Variants in NRBP1 observed in about 807,000 individuals in gnomAD.
The protein encoded by NRBP1 is nuclear receptor binding protein 1.
NRBP1 carries 10 observed loss-of-function variants against 76.0 expected under a neutral mutation model. The observed-to-expected ratio is 0.13, with a 90% CI of 0.08 to 0.22. The LOEUF (loss-of-function observed/expected upper bound fraction) is 0.22, where lower values mean the gene tolerates loss of function less well. Ranked by LOEUF, NRBP1 falls within the 10% of genes least tolerant of loss-of-function variation. NRBP1 has a pLI of 1.00. For synonymous variants in NRBP1, 235 were observed against 240.2 expected, an observed-to-expected ratio of 0.98 and a Z score of 0.20; for missense variants, 344 against 646.0, an observed-to-expected ratio of 0.53 and a Z score of 5.07.
chr2:27,437,434 C>G, intron 10 of NRBP1, 74 bp downstream of exon 10: 18 of 1,067,292 alleles, frequency 1.7e-5, no homozygotes, highest in Non-Finnish European at 2.3e-5. Flanking sequence ...TTTGTACCCA[C>G]TGGGTATATG....
In NRBP1 at chr2:27,439,891, A is replaced by C. The variant is rs1199464998; in HGVS notation, c.1029A>C (p.Gly343=). The change falls in exon 11 of 18, where the codon GGA becomes GGC. Residue 343 remains glycine (G), a synonymous_variant. Transcript: ENST00000379852. The part of the protein sequence containing the change: ...LKLLAAHCIV[G]HQHMIPENAL... ...TCCTTGCGGCCCACTGCATTGTGGG[A>C]CACCAACGTGAGTCGTCTTGGCCCT... 1 of 1,609,748 alleles carries C rather than the reference A, an allele frequency of 6.2e-7. No individual in the cohort carries two copies. The highest frequency in any genetic ancestry group is 1.7e-5 in the Admixed American group (1 of 59,802).
At position 27,441,904 on chromosome 2, in the gene NRBP1, G is replaced by A. The variant is rs968695550; in HGVS notation, c.*92G>A. 8.0e-6 allele frequency: 6 copies of A among 750,340 alleles called. No homozygotes were observed. The highest frequency in any genetic ancestry group is 1.7e-5 in the South Asian group (1 of 58,086). 46.5% of individuals were successfully genotyped at this position (750,340 alleles called of 1,614,324 possible). A position where few individuals can be genotyped will look rare whatever the true frequency, so the allele number is the denominator to read the frequency against. Reference sequence around the variant, plus strand: ...CCTTCCCCCCAGTCAGTATTACCCTGTGAAGCCCCTTCCCTCCTTTATTAT... The same window carrying A: ...CCTTCCCCCCAGTCAGTATTACCCTATGAAGCCCCTTCCCTCCTTTATTAT... On this transcript the variant is annotated 3_prime_UTR_variant, in exon 18 of 18. Coordinates refer to ENST00000379852, the MANE Select transcript of NRBP1 (RefSeq NM_013392.4).
chr2:27,431,232 G>A (rs1013788281), intron 1 of NRBP1, among the ~76,000 whole-genome samples: 15 of 152,158 alleles, frequency 9.9e-5, no homozygotes, highest in Admixed American at 3.3e-4. Context: ...CCTGGGAGGC[G>A]GAGGTTGCAG....
chr2:27,441,069 C>G (rs1344660846), intron 14 of NRBP1, 58 bp from the exon 15 acceptor site: 2 of 1,610,084 alleles, frequency 1.2e-6, no homozygotes, highest in Non-Finnish European at 8.5e-7. Context: ...CGAAAGACGT[C>G]TAGGTATTGG....
intron 7 of NRBP1, chr2:27,435,449 A>G: frequency 1.7e-6 from 1 of 604,308 alleles, no homozygotes; most frequent in Non-Finnish European, 2.9e-6. Context: ...ATTGGGGTTA[A>G]TACAGAGATA....
intron 10 of NRBP1, among the ~76,000 whole-genome samples, chr2:27,438,744 G>T (rs547249246): frequency 6.6e-6 from 1 of 152,278 alleles, no homozygotes; most frequent in Admixed American, 6.5e-5. Context: ...AGGATCACTT[G>T]AGCTCAGGAG....
Position 27,435,156 on chromosome 2 carries a change from C to A in NRBP1, c.590C>A (p.Pro197His), listed in dbSNP as rs983579251. 6 of 1,613,968 alleles carry A rather than the reference C, an allele frequency of 3.7e-6. No individual in the cohort carries two copies. The African/African-American group carries it at 5.3e-5, about 14-fold the overall frequency. The stretch of plus-strand genomic sequence containing the variant: ...AGCTACCTGCACTCCTGTGACCCCC[C>A]CATCATCCATGGGAACCTGACCTGT... Reference protein sequence around the residue: ...ALSYLHSCDPPIIHGNLTCDT... With the variant: ...ALSYLHSCDPHIIHGNLTCDT... Residue 197 changes from proline (P) to histidine (H), a missense_variant, in exon 7 of 18, where the codon CCC (proline) becomes CAC (histidine). By Grantham distance (77) the Pro-to-His change is moderately conservative. This residue lies in a region of NRBP1 where 73 missense variants were observed against 287.8 expected (regional missense o/e 0.25). Coordinates refer to ENST00000379852, the MANE Select transcript of NRBP1 (RefSeq NM_013392.4).
At chr2:27,433,940 A>G (rs372693410) in intron 3 of NRBP1, 49 bp from the exon 4 acceptor site, 4 of 1,551,342 alleles carry the variant, frequency 2.6e-6, no homozygotes, top group Non-Finnish European at 3.5e-6. Context: ...TCTCAGGATT[A>G]TTACAGTGAT....
rs1414721984 is a variant in NRBP1, at chr2:27,439,468, G to C, written c.904-298G>C. 2.8e-5 allele frequency among the ~76,000 whole-genome samples: 4 copies of C among 140,972 alleles called. No individual in the cohort carries two copies. In the East Asian group the frequency reaches 8.1e-4, roughly 29 times the overall value. 92.5% of individuals were successfully genotyped at this position (140,972 alleles called of 152,430 possible). ...CCACTGCACTCCAGCCTGGGCGACA[G>C]AGCGAGACTCCGTCTCAAAAAAAAA... On this transcript the variant is annotated intron_variant, in intron 10 of 17. Coordinates refer to ENST00000379852, the MANE Select transcript of NRBP1 (RefSeq NM_013392.4).
At chr2:27,429,737 G>C (rs113204906) in intron 1 of NRBP1, among the ~76,000 whole-genome samples, 3,002 of 152,248 alleles carry the variant, frequency 0.02, 51 homozygotes, top group Non-Finnish European at 0.032. Flanking sequence ...AGGTGGGGGG[G>C]ATAAGCAAAT....
chr2:27,439,292 C>T (rs1664429530), intron 10 of NRBP1, among the ~76,000 whole-genome samples: 1 of 151,810 alleles, frequency 6.6e-6, no homozygotes, highest in Non-Finnish European at 1.5e-5. Flanking sequence ...TTGAGACCAT[C>T]CTGGCTAACA....
intron 8 of NRBP1, 54 bp downstream of exon 8, chr2:27,436,890 A>G (rs369176264): frequency 1.9e-6 from 3 of 1,539,202 alleles, no homozygotes; most frequent in Middle Eastern, 1.7e-4. Context: ...TTTGCACCTT[A>G]TAACTTGAGG....
intron 2 of NRBP1, 93 bp from the exon 3 acceptor site, chr2:27,433,580 G>C (rs535010432): frequency 5.6e-6 from 9 of 1,603,512 alleles, no homozygotes; most frequent in Admixed American, 1.7e-5. Context: ...AACTTCAATA[G>C]GTTGGGGGCT....
chr2:27,429,887 T>C (rs76468558), intron 1 of NRBP1, among the ~76,000 whole-genome samples: 1,647 of 152,286 alleles, frequency 0.011, 31 homozygotes, highest in African/African-American at 0.038. Flanking sequence ...CTACTGTTAT[T>C]TCCTACTGTA....
chr2:27,440,343 C>G (rs944510344), intron 11 of NRBP1, 60 bp from the exon 12 acceptor site: 2 of 1,196,052 alleles, frequency 1.7e-6, no homozygotes, highest in Admixed American at 1.7e-5. Flanking sequence ...GCCTGCATGC[C>G]TTCTTTGACA....
Position 27,433,444 on chromosome 2 carries a change from A to G in NRBP1, c.171A>G (p.Glu57=), listed in dbSNP as rs1016969791. The change falls in exon 2 of 18, where the codon GAA becomes GAG. Residue 57 remains glutamate, a synonymous_variant. Coordinates refer to ENST00000379852, the MANE Select transcript of NRBP1 (RefSeq NM_013392.4). ...EESEDESEIL[E]ESPCGRWQKR... ...GTGAAGATGAGTCTGAGATTTTGGAAGAGTCGCCCTGTGGGCGCTGGCAGA... is the reference window on the plus strand; with the variant it reads ...GTGAAGATGAGTCTGAGATTTTGGAGGAGTCGCCCTGTGGGCGCTGGCAGA... The G allele has an allele frequency of 4.3e-6, 7 of 1,614,268 alleles. No homozygotes were observed. The highest frequency in any genetic ancestry group is 4.2e-6 in the Non-Finnish European group (5 of 1,180,046).
intron 11 of NRBP1, 40 bp downstream of exon 11, chr2:27,439,938 T>C: frequency 1.9e-6 from 3 of 1,541,122 alleles, no homozygotes; most frequent in Non-Finnish European, 2.6e-6. Context: ...TCTTCCAATC[T>C]GGAGCCCTGT....
chr2:27,434,207 CA>C, intron 4 of NRBP1, 117 bp downstream of exon 4: 1 of 872,714 alleles, frequency 1.1e-6, no homozygotes, highest in African/African-American at 1.7e-5. Flanking sequence ...GAACTGGAAT[CA>C]GCTGCAATGG....
At chr2:27,433,824 G>A (rs772832988) in intron 3 of NRBP1, 29 bp downstream of exon 3, 2 of 1,613,898 alleles carry the variant, frequency 1.2e-6, no homozygotes, top group Admixed American at 3.3e-5. Context: ...GTGAAGCCTG[G>A]GGAATGTTGG....
Sources: gnomAD v4.1 joint callset for allele counts (sites outside exome capture counted in the v4.1 genomes callset) on GRCh38, gnomAD v4.1.1 for gene constraint, gnomAD v4.1.1 regional missense constraint, MANE v1.5 for transcripts, NCBI Gene and HGNC (gene_info 2026-07-23, HGNC 2026-07-21) for gene names.